Variants in FGF13 observed in about 807,000 individuals in gnomAD.
FGF13 encodes fibroblast growth factor homologous factor 2.
FGF13 carries 2 observed loss-of-function variants against 19.5 expected under a neutral mutation model. The observed-to-expected ratio is 0.10, with a 90% CI of 0.04 to 0.32. The LOEUF (loss-of-function observed/expected upper bound fraction) is 0.32, where lower values mean the gene tolerates loss of function less well. FGF13 is among the 10% of genes least tolerant of loss of function. The pLI, the probability that FGF13 is intolerant of heterozygous loss-of-function variation, is 1.00. For missense variants in FGF13, 113 were observed against 192.7 expected, an observed-to-expected ratio of 0.59 and a Z score of 2.45; for synonymous variants, 72 against 76.9, an observed-to-expected ratio of 0.94 and a Z score of 0.33.
chrX:138,653,442 TAA>T (rs1213841092), intron 3 of FGF13, among the ~76,000 whole-genome samples: 6 of 111,544 alleles, frequency 5.4e-5, no homozygotes, highest in South Asian at 3.7e-4. Flanking sequence ...TTATTAAAAT[TAA>T]AAAGTTAAAT....
chrX:138,748,634 T>C (rs1328352478), intron 3 of FGF13, among the ~76,000 whole-genome samples: 1 of 111,903 alleles, frequency 8.9e-6, no homozygotes, highest in East Asian at 2.8e-4. Flanking sequence ...TGAAAGCATA[T>C]ACAACTTTGC....
chrX:138,926,534 G>A (rs150922654), intron 1 of FGF13, among the ~76,000 whole-genome samples: 2,251 of 111,054 alleles, frequency 0.02, 28 homozygotes, highest in Middle Eastern at 0.033. Flanking sequence ...TTGACATTGT[G>A]AGCGATAAGC....
intron 1 of FGF13, among the ~76,000 whole-genome samples, chrX:139,085,752 CTG>C (rs1466496646): frequency 9.8e-5 from 11 of 112,111 alleles, no homozygotes; most frequent in African/African-American, 3.6e-4. Flanking sequence ...GTTGAGGAAA[CTG>C]TAACATCTAC....
At chrX:138,769,837 G>T (rs1232715043) in intron 3 of FGF13, among the ~76,000 whole-genome samples, 2 of 112,335 alleles carry the variant, frequency 1.8e-5, no homozygotes, top group Non-Finnish European at 3.8e-5. Flanking sequence ...GAATCACCTA[G>T]TTCCAAGAAG....
intron 3 of FGF13, among the ~76,000 whole-genome samples, chrX:138,683,424 C>T (rs779705374): frequency 1.8e-5 from 2 of 110,140 alleles, no homozygotes; most frequent in Admixed American, 9.8e-5. Context: ...CTCACACACA[C>T]ACACACACAC....
At position 139,047,394 on chromosome X, in the gene FGF13, T is replaced by G. The variant is rs771367729; in HGVS notation, c.-113+156022A>C. 5.4e-4 allele frequency among the ~76,000 whole-genome samples: 57 copies of G among 105,869 alleles called. 2 individuals carry two copies. The highest frequency in any genetic ancestry group is 2.1e-3 in the African/African-American group (55 of 26,098). 91.9% of individuals were successfully genotyped at this position (105,869 alleles called of 115,157 possible). ...AGAATGAGAACATTTATTTTTTGGT[T>G]TTTTTTTTCTTTTTTTTATTATACT... On this transcript the variant is annotated intron_variant, in intron 1 of 2. Transcript: ENST00000421460.
At chrX:138,653,483 T>A (rs1334273489) in intron 3 of FGF13, among the ~76,000 whole-genome samples, 1 of 111,877 alleles carries the variant, frequency 8.9e-6, no homozygotes, top group Non-Finnish European at 1.9e-5. Flanking sequence ...TTAAAAGTGA[T>A]TAAATTATAA....
intron 3 of FGF13, among the ~76,000 whole-genome samples, chrX:138,789,432 G>A (rs905011208): frequency 1.3e-4 from 14 of 107,093 alleles, no homozygotes; most frequent in African/African-American, 4.5e-4. Context: ...TGCCCGCCTC[G>A]GTCTCCCAAA....
rs750896553 is a variant in FGF13, at chrX:139,045,835, A to G, written c.-113+157581T>C. Among the ~76,000 whole-genome samples the G allele has an allele frequency of 8.6e-4, 96 of 111,870 alleles. 1 individual carries two copies. Among genetic ancestry groups the G allele is most frequent in the African/African-American group, 3.1e-3 (94 of 30,656 alleles). The stretch of plus-strand genomic sequence containing the variant: ...CTTTATTGTCCATATCACTATCTGC[A>G]TTTGGTCACAACCATTTAACCAGTC... On this transcript the variant is annotated intron_variant, in intron 1 of 2. Transcript: ENST00000421460.
intron 1 of FGF13, among the ~76,000 whole-genome samples, chrX:139,202,069 T>G (rs1219735510): frequency 1.8e-5 from 2 of 112,393 alleles, no homozygotes; most frequent in African/African-American, 6.5e-5. Flanking sequence ...TAGTACAAAT[T>G]TGTATTATTG....
intron 3 of FGF13, among the ~76,000 whole-genome samples, chrX:138,780,232 G>A (rs2090627121): frequency 2.8e-5 from 3 of 108,951 alleles, no homozygotes; most frequent in East Asian, 2.9e-4. Flanking sequence ...AACGACCATC[G>A]AGACTAGGAA....
intron 3 of FGF13, among the ~76,000 whole-genome samples, chrX:138,787,960 C>T (rs1487804901): frequency 9.0e-6 from 1 of 111,701 alleles, no homozygotes; most frequent in African/African-American, 3.3e-5. Context: ...CATTGCATTC[C>T]AATCTGGCTT....
intron 1 of FGF13, among the ~76,000 whole-genome samples, chrX:139,131,561 C>A (rs2083762397): frequency 9.0e-6 from 1 of 110,683 alleles, no homozygotes; most frequent in African/African-American, 3.3e-5. Flanking sequence ...TATAGGGAGA[C>A]CCTGTCTCTA....
At chrX:138,679,763 T>C (rs1187568438) in intron 3 of FGF13, among the ~76,000 whole-genome samples, 1 of 111,863 alleles carries the variant, frequency 8.9e-6, no homozygotes, top group African/African-American at 3.3e-5. Context: ...TGCTGCTGAT[T>C]GATCAGGATG....
At chrX:139,069,950 C>T (rs1326344208) in intron 1 of FGF13, among the ~76,000 whole-genome samples, 1 of 111,982 alleles carries the variant, frequency 8.9e-6, no homozygotes, top group Non-Finnish European at 1.9e-5. Context: ...GAAACTGGAT[C>T]CCTTCCTTAC....
chrX:139,073,890 T>C (rs1286742626), intron 1 of FGF13, among the ~76,000 whole-genome samples: 1 of 112,613 alleles, frequency 8.9e-6, no homozygotes, highest in Non-Finnish European at 1.9e-5. Context: ...CAAGAAATGT[T>C]TGCCAAGTTT....
Position 139,026,300 on chromosome X carries a change from G to A in FGF13, c.-112-161650C>T, listed in dbSNP as rs143407787. Among the ~76,000 whole-genome samples, 443 of 110,241 alleles carry A rather than the reference G, an allele frequency of 4.0e-3. 1 individual carries two copies. The highest frequency in any genetic ancestry group is 0.014 in the African/African-American group (416 of 30,275). ...GGAGAGCCACAGCATGAAATAGAGG[G>A]CCTTGGTTTAATAATTTTAAAATAA... is the stretch of plus-strand genomic sequence containing the variant. On this transcript the variant is annotated intron_variant, in intron 1 of 2. Coordinates refer to the FGF13 transcript ENST00000421460.
At chrX:139,185,122 G>T (rs2148273368) in intron 1 of FGF13, among the ~76,000 whole-genome samples, 1 of 112,235 alleles carries the variant, frequency 8.9e-6, no homozygotes, top group Non-Finnish European at 1.9e-5. Flanking sequence ...CATGGGAAAA[G>T]GGGGTGCTGA....
At chrX:139,081,509 C>T (rs2083370236) in intron 1 of FGF13, among the ~76,000 whole-genome samples, 2 of 111,931 alleles carry the variant, frequency 1.8e-5, no homozygotes, top group African/African-American at 3.2e-5. Context: ...TTTATATTCT[C>T]CATCCCAGTC....
Sources: gnomAD v4.1 joint callset for allele counts (sites outside exome capture counted in the v4.1 genomes callset) on GRCh38, gnomAD v4.1.1 for gene constraint, MANE v1.5 for transcripts, NCBI Gene and HGNC (gene_info 2026-07-23, HGNC 2026-07-21) for gene names.